Variants in CEP152 observed in about 807,000 individuals in gnomAD.
CEP152 encodes centrosomal protein 152.
CEP152 carries 132 observed loss-of-function variants against 188.9 expected under a neutral mutation model. The observed-to-expected ratio is 0.70, with a 90% CI of 0.61 to 0.81. CEP152 has a LOEUF of 0.81. CEP152 is among the 30% of genes least tolerant of loss of function. The pLI is 0.00. For synonymous variants in CEP152, 649 were observed against 666.6 expected (o/e 0.97, Z 0.41); for missense variants, 1,914 against 1,969.8 (o/e 0.97, Z 0.54).
chr15:48,736,305 A>G (rs1156873949), downstream of CEP152, among the ~76,000 whole-genome samples: 2 of 152,198 alleles, frequency 1.3e-5, no homozygotes, highest in African/African-American at 4.8e-5. Context: ...GACTGGTATT[A>G]CCCTTTTACC....
At chr15:48,751,598 T>C (rs1893880615) in intron 21 of CEP152, among the ~76,000 whole-genome samples, 1 of 152,208 alleles carries the variant, frequency 6.6e-6, no homozygotes, top group Non-Finnish European at 1.5e-5. Context: ...CAATTATTAG[T>C]TCTTTTCCAG....
At chr15:48,790,083 TC>T (rs1316021719) in intron 8 of CEP152, among the ~76,000 whole-genome samples, 1 of 152,210 alleles carries the variant, frequency 6.6e-6, no homozygotes, top group South Asian at 2.1e-4. Context: ...TTAAAAATAA[TC>T]TACATTACAT....
Position 48,793,315 on chromosome 15 carries a change from T to G in CEP152, c.832+6A>C. ...ACCTCATAAATGACAGCATCCAGCATCTTACCTTTTATTATTACAAGCTGG... is the reference window on the plus strand; with the variant it reads ...ACCTCATAAATGACAGCATCCAGCAGCTTACCTTTTATTATTACAAGCTGG... On this transcript the variant is annotated splice_donor_region_variant and intron_variant, in intron 7 of 26. Transcript: ENST00000380950. 1 of 1,613,754 alleles carries G rather than the reference T, an allele frequency of 6.2e-7. No individual in the cohort carries two copies. Among genetic ancestry groups the G allele is most frequent in the Non-Finnish European group, 8.5e-7 (1 of 1,179,810 alleles).
chr15:48,768,420 TTCTC>T (rs1280418891), intron 14 of CEP152, 92 bp from the exon 15 acceptor site: 3 of 727,330 alleles, frequency 4.1e-6, no homozygotes, highest in Non-Finnish European at 7.1e-6. Flanking sequence ...TTTCTATGCT[TTCTC>T]TCTCCCCTAT....
chr15:48,739,357 A>T, intron 26 of CEP152, 69 bp from the exon 27 acceptor site: 1 of 1,470,980 alleles, frequency 6.8e-7, no homozygotes, highest in Non-Finnish European at 8.9e-7. Flanking sequence ...ATCCTTGAAC[A>T]AAAAAATAAA....
intron 7 of CEP152, 151 bp from the exon 8 acceptor site, chr15:48,791,527 C>G: frequency 1.4e-6 from 1 of 727,586 alleles, no homozygotes; most frequent in Non-Finnish European, 2.2e-6. Context: ...TTAGAGAAAA[C>G]TAAATAAAGA....
At chr15:48,803,104 T>G (rs894750311) in intron 2 of CEP152, among the ~76,000 whole-genome samples, 1 of 152,182 alleles carries the variant, frequency 6.6e-6, no homozygotes, top group African/African-American at 2.4e-5. Context: ...ATAAAGGCAT[T>G]CCTCCCACAT....
At chr15:48,774,988 CA>C (rs1895797012) in intron 12 of CEP152, among the ~76,000 whole-genome samples, 1 of 150,446 alleles carries the variant, frequency 6.6e-6, no homozygotes, top group Admixed American at 6.6e-5. Context: ...ATTAAGTAAA[CA>C]AAAGTTAAAA....
intron 12 of CEP152, among the ~76,000 whole-genome samples, chr15:48,773,034 A>G (rs1477175017): frequency 2.0e-5 from 3 of 152,214 alleles, no homozygotes; most frequent in African/African-American, 7.2e-5. Context: ...CAGAAACAAC[A>G]TAAATATTAA....
chr15:48,733,513 C>T (rs1892494913), downstream of CEP152, among the ~76,000 whole-genome samples: 1 of 152,084 alleles, frequency 6.6e-6, no homozygotes, highest in Non-Finnish European at 1.5e-5. Context: ...GAAGAATGCA[C>T]AGTGCCTCAA....
chr15:48,801,116 T>C (rs1897642125), intron 2 of CEP152, among the ~76,000 whole-genome samples: 2 of 152,222 alleles, frequency 1.3e-5, no homozygotes, highest in Non-Finnish European at 2.9e-5. Context: ...GCAAATGGAA[T>C]ACCTAACGGT....
intron 7 of CEP152, among the ~76,000 whole-genome samples, chr15:48,792,714 A>G (rs1006009060): frequency 2.0e-5 from 3 of 152,216 alleles, no homozygotes; most frequent in African/African-American, 7.2e-5. Context: ...ATAAGGAATC[A>G]ACAACTTTTT....
chr15:48,742,768 T>C (rs1893083612), intron 24 of CEP152, among the ~76,000 whole-genome samples: 1 of 152,058 alleles, frequency 6.6e-6, no homozygotes, highest in Non-Finnish European at 1.5e-5. Context: ...TTTAACTCAA[T>C]ATATCTTTGA....
intron 18 of CEP152, 37 bp downstream of exon 18, chr15:48,762,353 AG>A (rs768871184): frequency 1.3e-6 from 2 of 1,562,256 alleles, no homozygotes; most frequent in African/African-American, 2.7e-5. Context: ...AGAGACAGGC[AG>A]TTCCAATAAA....
chr15:48,784,010 C>G lies in CEP152; in HGVS notation c.1284G>C (p.Glu428Asp), dbSNP rs1357354888. Residue 428 changes from glutamate (E) to aspartate (D), a missense_variant, in exon 10 of 27, where the codon GAG becomes GAC. Glu to Asp is a conservative substitution (Grantham distance 45, BLOSUM62 2). Coordinates refer to ENST00000380950, the MANE Select transcript of CEP152 (RefSeq NM_001194998.2). ...AGTGGGCACACTGCTTTTGACTCTCCTCTAGACTTCTTGTCAACTTATTAA... is the reference window on the plus strand; with the variant it reads ...AGTGGGCACACTGCTTTTGACTCTCGTCTAGACTTCTTGTCAACTTATTAA... ...EIINKLTRSL[E>D]ESQKQCAHLL... 2 of 1,613,614 alleles carry G rather than the reference C, an allele frequency of 1.2e-6. No homozygotes were observed. Among genetic ancestry groups the G allele is most frequent in the African/African-American group, 2.7e-5 (2 of 74,818 alleles).
chr15:48,763,010 T>G (rs1000234506), intron 17 of CEP152, among the ~76,000 whole-genome samples: 3 of 152,006 alleles, frequency 2.0e-5, no homozygotes, highest in Non-Finnish European at 4.4e-5. Flanking sequence ...AAATTACAGT[T>G]AATGTGTTTT....
chr15:48,789,380 A>G (rs1896870921), intron 8 of CEP152: 2 of 272,156 alleles, frequency 7.3e-6, no homozygotes, highest in Non-Finnish European at 1.4e-5. Flanking sequence ...AGGTCACAGA[A>G]AAATGACAAC....
intron 3 of CEP152, 43 bp from the exon 4 acceptor site, chr15:48,797,773 T>C (rs1429949391): frequency 6.2e-7 from 1 of 1,601,442 alleles, no homozygotes; most frequent in Non-Finnish European, 8.6e-7. Flanking sequence ...GTATCATTTA[T>C]TTGTACATAG....
At chr15:48,750,223 A>T (rs2140628456) in intron 21 of CEP152, among the ~76,000 whole-genome samples, 2 of 152,290 alleles carry the variant, frequency 1.3e-5, no homozygotes, top group African/African-American at 4.8e-5. Flanking sequence ...TAGAAGACGT[A>T]AATATATAAG....
Sources: gnomAD v4.1 joint callset for allele counts (sites outside exome capture counted in the v4.1 genomes callset) on GRCh38, gnomAD v4.1.1 for gene constraint, MANE v1.5 for transcripts, NCBI Gene and HGNC (gene_info 2026-07-23, HGNC 2026-07-21) for gene names.